CORO2B: variants seen among roughly 807,000 people sequenced by gnomAD.
The protein encoded by CORO2B is coronin-2B.
In CORO2B, 26 loss-of-function variants were observed where a neutral mutation model predicts 58.8. The observed-to-expected ratio is 0.44, with a 90% CI of 0.32 to 0.61. The LOEUF is 0.61. CORO2B is among the 20% of genes least tolerant of loss of function. The pLI is 0.04. For missense variants in CORO2B, 460 were observed against 645.1 expected, an observed-to-expected ratio of 0.71 and a Z score of 3.11; for synonymous variants, 242 against 253.8, an observed-to-expected ratio of 0.95 and a Z score of 0.44.
the CORO2B span, among the ~76,000 whole-genome samples, chr15:68,561,985 C>T: frequency 6.6e-6 from 1 of 152,118 alleles, no homozygotes; most frequent in African/African-American, 2.4e-5. Context: ...CCCTGTCCCC[C>T]CACTGGCCTT....
chr15:68,544,803 C>G, the CORO2B span, among the ~76,000 whole-genome samples: 30 of 147,986 alleles, frequency 2.0e-4, no homozygotes, highest in Non-Finnish European at 3.4e-4. Context: ...TTGAGATGGA[C>G]TCTCGCTCTG....
intron 1 of CORO2B, among the ~76,000 whole-genome samples, chr15:68,607,082 G>A (rs901115043): frequency 1.3e-5 from 2 of 152,196 alleles, no homozygotes; most frequent in Non-Finnish European, 2.9e-5. Flanking sequence ...TTTTGAAGTA[G>A]GTGGAGGGGT....
chr15:68,686,243 C>T (rs1902975969), intron 2 of CORO2B, among the ~76,000 whole-genome samples: 1 of 151,842 alleles, frequency 6.6e-6, no homozygotes, highest in Non-Finnish European at 1.5e-5. Flanking sequence ...GTCACGTTGG[C>T]CAGGCTGGTC....
chr15:68,695,323 TC>T, intron 3 of CORO2B, 67 bp downstream of exon 3: 1 of 1,126,688 alleles, frequency 8.9e-7, no homozygotes, highest in Non-Finnish European at 1.3e-6. Flanking sequence ...TGGAGGCCTC[TC>T]TTCCTACCCT....
upstream of CORO2B, among the ~76,000 whole-genome samples, chr15:68,576,173 A>AAAAGAAAGAAAGAAAGAAAG (rs1555409379): frequency 9.6e-6 from 1 of 103,844 alleles, no homozygotes; most frequent in African/African-American, 4.3e-5. Context: ...AAAAAAAAAA[A>AAAAGAAAGAAAGAAAGAAAG]AAAGAAAGAA....
At chr15:68,721,486 A>G (rs1893158914) in intron 11 of CORO2B, among the ~76,000 whole-genome samples, 3 of 151,946 alleles carry the variant, frequency 2.0e-5, no homozygotes, top group Non-Finnish European at 4.4e-5. Context: ...CGGGTGGATC[A>G]CCTGAGGTCA....
rs374285924 is a variant in CORO2B at position 68,697,190 on chromosome 15, TTGGA to T, written c.333+1952_333+1955del. Among the ~76,000 whole-genome samples, 41 of 148,772 alleles carry T rather than the reference TTGGA, an allele frequency of 2.8e-4. 1 individual carries two copies. Among genetic ancestry groups the T allele is most frequent in the African/African-American group, 8.7e-4 (35 of 40,180 alleles). ...GATGGATAGATGGATGGATGGATTG[TTGGA>T]TGGATGGATGGATGGATTGTTGGAT... On this transcript the variant is annotated intron_variant, in intron 3 of 11. Coordinates refer to ENST00000261861, the MANE Select transcript of CORO2B (RefSeq NM_006091.5).
intron 1 of CORO2B, among the ~76,000 whole-genome samples, chr15:68,643,589 A>G (rs1030773383): frequency 3.3e-5 from 5 of 152,170 alleles, no homozygotes; most frequent in African/African-American, 1.2e-4. Flanking sequence ...GAAGTGGAGA[A>G]GAGGCAGTGG....
At chr15:68,575,058 C>A (rs1412780926), upstream of CORO2B, among the ~76,000 whole-genome samples, 1 of 152,220 alleles carries the variant, frequency 6.6e-6, no homozygotes, top group Non-Finnish European at 1.5e-5. Context: ...AGAGCCCAGA[C>A]TTGAGCTGAC....
chr15:68,543,630 T>C, the CORO2B span, among the ~76,000 whole-genome samples: 3 of 152,118 alleles, frequency 2.0e-5, no homozygotes, highest in Non-Finnish European at 4.4e-5. Flanking sequence ...ATGATTCCCA[T>C]ACAGACCCTC....
At chr15:68,653,470 T>G (rs1479179129) in intron 2 of CORO2B, among the ~76,000 whole-genome samples, 1 of 152,166 alleles carries the variant, frequency 6.6e-6, no homozygotes, top group African/African-American at 2.4e-5. Flanking sequence ...CCATCTACTC[T>G]GAGATGGGGT....
chr15:68,713,698 C>T (rs1892969360), intron 5 of CORO2B, among the ~76,000 whole-genome samples: 1 of 152,202 alleles, frequency 6.6e-6, no homozygotes, highest in Non-Finnish European at 1.5e-5. Context: ...CTCTCTCCCA[C>T]AAGGACACTC....
chr15:68,692,900 C>G (rs951411037), intron 2 of CORO2B, among the ~76,000 whole-genome samples: 6 of 152,020 alleles, frequency 3.9e-5, no homozygotes, highest in African/African-American at 1.4e-4. Context: ...TCTCAAAGTA[C>G]TGGGATTACA....
chr15:68,543,194 A>G, the CORO2B span, among the ~76,000 whole-genome samples: 1 of 152,124 alleles, frequency 6.6e-6, no homozygotes, highest in African/African-American at 2.4e-5. Flanking sequence ...AGAAGGATGC[A>G]TTTTCAAAGA....
intron 1 of CORO2B, chr15:68,632,228 G>T: frequency 2.0e-6 from 2 of 985,514 alleles, no homozygotes; most frequent in Non-Finnish European, 2.4e-6. Flanking sequence ...GCCCATCTGT[G>T]CAGGGTACAG....
At chr15:68,641,251 C>G (rs1330789808) in intron 1 of CORO2B, among the ~76,000 whole-genome samples, 1 of 152,236 alleles carries the variant, frequency 6.6e-6, no homozygotes, top group Non-Finnish European at 1.5e-5. Context: ...TGCCTGCTCA[C>G]CCCGAGCCTG....
chr15:68,570,352 A>G, the CORO2B span, among the ~76,000 whole-genome samples: 2 of 152,204 alleles, frequency 1.3e-5, no homozygotes, highest in African/African-American at 4.8e-5. Context: ...TATCTGCATA[A>G]GGACTATTGA....
intron 2 of CORO2B, among the ~76,000 whole-genome samples, chr15:68,674,655 G>A (rs554058394): frequency 1.2e-3 from 181 of 152,354 alleles, no homozygotes; most frequent in African/African-American, 4.1e-3. Context: ...AAAGGCTCGT[G>A]GGCAGTGGCT....
chr15:68,678,394 C>T (rs780315668), intron 2 of CORO2B, among the ~76,000 whole-genome samples: 1 of 152,196 alleles, frequency 6.6e-6, no homozygotes, highest in South Asian at 2.1e-4. Flanking sequence ...AGAGAAAAGA[C>T]AGCAGGCGGT....
Sources: gnomAD v4.1 joint callset for allele counts (sites outside exome capture counted in the v4.1 genomes callset) on GRCh38, gnomAD v4.1.1 for gene constraint, MANE v1.5 for transcripts, NCBI Gene and HGNC (gene_info 2026-07-23, HGNC 2026-07-21) for gene names.